CADM2: variants seen among roughly 807,000 people sequenced by gnomAD.
CADM2 encodes cell adhesion molecule 2.
CADM2 carries 12 observed loss-of-function variants against 49.8 expected under a neutral mutation model. The observed-to-expected ratio is 0.24, with a 90% CI of 0.15 to 0.39. CADM2 has a LOEUF of 0.39. Ranked by LOEUF, CADM2 falls within the 10% of genes least tolerant of loss-of-function variation. CADM2 has a pLI of 1.00. For missense variants in CADM2, 378 were observed against 492.3 expected (o/e 0.77, Z 2.20); for synonymous variants, 214 against 175.4 (o/e 1.22, Z -1.74).
chr3:85,050,337 A>G (rs2035835111), intron 1 of CADM2, among the ~76,000 whole-genome samples: 1 of 152,090 alleles, frequency 6.6e-6, no homozygotes. Flanking sequence ...CTCTGACCTA[A>G]AATAAATAGA....
intron 1 of CADM2, among the ~76,000 whole-genome samples, chr3:85,526,671 T>C (rs1161318606): frequency 1.3e-5 from 2 of 152,124 alleles, no homozygotes; most frequent in Admixed American, 1.3e-4. Flanking sequence ...AGACCAAAAA[T>C]GAAACACTGT....
At chr3:85,586,120 G>GT (rs1444201970) in intron 1 of CADM2, among the ~76,000 whole-genome samples, 1 of 151,904 alleles carries the variant, frequency 6.6e-6, no homozygotes, top group Non-Finnish European at 1.5e-5. Context: ...CATTTGTCCG[G>GT]TTTTTTACCT....
rs543873979 is a variant in CADM2, at chr3:86,039,414, G to A, written c.971-26191G>A. On this transcript the variant is annotated intron_variant, in intron 8 of 9. Transcript: ENST00000383699. ...ACTGTGCTTTTCCAATGGTCTTAGC[G>A]AACGGCACACCAGGAGATTATATCC... 1.2e-3 allele frequency among the ~76,000 whole-genome samples: 186 copies of A among 152,250 alleles called. 1 individual carries two copies. Among genetic ancestry groups the A allele is most frequent in the Middle Eastern group, 0.01 (3 of 294 alleles).
intron 1 of CADM2, among the ~76,000 whole-genome samples, chr3:85,082,395 A>C (rs906876258): frequency 6.6e-6 from 1 of 152,216 alleles, no homozygotes; most frequent in African/African-American, 2.4e-5. Flanking sequence ...TGCACAGGGC[A>C]TATTATTTTG....
At chr3:85,266,565 T>TTCATCCATATCAGTTGAAAAG (rs147778438) in intron 1 of CADM2, among the ~76,000 whole-genome samples, 71,557 of 151,224 alleles carry the variant, frequency 0.47, 17,244 homozygotes, top group Admixed American at 0.58. Context: ...ATCTCAATGA[T>TTCATCCATATCAGTTGAAAAG]AAGGTGATAA....
chr3:85,965,936 G>T (rs1725420586), intron 8 of CADM2, among the ~76,000 whole-genome samples: 3 of 151,590 alleles, frequency 2.0e-5, no homozygotes. Context: ...TACAGGACCT[G>T]GAAAGCTTTG....
rs577988060 is a variant in CADM2 at position 85,457,002 on chromosome 3, C to G, written c.62-269520C>G. The stretch of plus-strand genomic sequence containing the variant: ...TATTCCTGTAAAATTTTGAACAATT[C>G]TTATTTCTAGATACTTGACAATTAA... On this transcript the variant is annotated intron_variant, in intron 1 of 9. Transcript: ENST00000383699. Among the ~76,000 whole-genome samples the G allele has an allele frequency of 2.0e-5, 3 of 151,926 alleles. No individual in the cohort carries two copies. In the East Asian group the frequency reaches 5.8e-4, roughly 29 times the overall value.
intron 1 of CADM2, among the ~76,000 whole-genome samples, chr3:85,596,287 A>G (rs1382719901): frequency 6.6e-6 from 1 of 151,962 alleles, no homozygotes; most frequent in African/African-American, 2.4e-5. Flanking sequence ...GAAATTACTA[A>G]TATACAAAAT....
intron 2 of CADM2, among the ~76,000 whole-genome samples, chr3:85,731,596 CT>C (rs1269060945): frequency 3.9e-5 from 6 of 152,040 alleles, no homozygotes; most frequent in African/African-American, 1.4e-4. Flanking sequence ...AAAACTAAAA[CT>C]TTTCTGTAAG....
At chr3:85,208,325 G>T (rs879712568) in intron 1 of CADM2, among the ~76,000 whole-genome samples, 9 of 152,084 alleles carry the variant, frequency 5.9e-5, no homozygotes, top group Admixed American at 3.9e-4. Flanking sequence ...ACAATTGTAG[G>T]ACTATAACAA....
At chr3:85,290,792 C>A (rs1427093194) in intron 1 of CADM2, among the ~76,000 whole-genome samples, 3 of 152,186 alleles carry the variant, frequency 2.0e-5, no homozygotes, top group Non-Finnish European at 4.4e-5. Context: ...ATCTGTACAT[C>A]ACCATCATCA....
At chr3:85,512,204 T>G (rs1007916020) in intron 1 of CADM2, among the ~76,000 whole-genome samples, 9 of 152,080 alleles carry the variant, frequency 5.9e-5, no homozygotes, top group Non-Finnish European at 1.3e-4. Context: ...ATTCCCATCT[T>G]TATGTCCATT....
intron 1 of CADM2, among the ~76,000 whole-genome samples, chr3:85,093,825 G>A (rs1479208737): frequency 6.6e-6 from 1 of 152,030 alleles, no homozygotes; most frequent in Non-Finnish European, 1.5e-5. Context: ...TTTTGCTTGG[G>A]GAGGATAAGT....
intron 1 of CADM2, among the ~76,000 whole-genome samples, chr3:85,188,735 T>C (rs1381909221): frequency 2.6e-5 from 4 of 151,986 alleles, no homozygotes; most frequent in Non-Finnish European, 5.9e-5. Context: ...CTAAGTACTT[T>C]AAAAATGAAG....
chr3:85,923,716 C>T (rs892256675), intron 6 of CADM2, among the ~76,000 whole-genome samples: 3 of 152,048 alleles, frequency 2.0e-5, no homozygotes, highest in Non-Finnish European at 2.9e-5. Context: ...AACCTTCTAC[C>T]CCAGCATTGT....
At chr3:85,492,962 T>C (rs1397715140) in intron 1 of CADM2, among the ~76,000 whole-genome samples, 2 of 152,062 alleles carry the variant, frequency 1.3e-5, no homozygotes, top group African/African-American at 4.8e-5. Context: ...AATTAGGATA[T>C]ATTAAGTAAT....
intron 7 of CADM2, among the ~76,000 whole-genome samples, chr3:85,939,991 C>G (rs1721666642): frequency 7.2e-6 from 1 of 139,598 alleles, no homozygotes; most frequent in African/African-American, 2.8e-5. Flanking sequence ...ATGTATTTTT[C>G]TATTAGGATA....
intron 3 of CADM2, among the ~76,000 whole-genome samples, chr3:85,872,172 A>G (rs933934890): frequency 5.3e-5 from 8 of 152,216 alleles, no homozygotes; most frequent in Non-Finnish European, 7.3e-5. Context: ...TCAAAGATTC[A>G]TATGACAGTG....
At chr3:85,350,096 G>A (rs1306414530) in intron 1 of CADM2, among the ~76,000 whole-genome samples, 6 of 152,144 alleles carry the variant, frequency 3.9e-5, no homozygotes, top group African/African-American at 2.4e-5. Context: ...GAACACTAAC[G>A]AGGACAGAGG....
Sources: gnomAD v4.1 joint callset for allele counts (sites outside exome capture counted in the v4.1 genomes callset) on GRCh38, gnomAD v4.1.1 for gene constraint, MANE v1.5 for transcripts, NCBI Gene and HGNC (gene_info 2026-07-23, HGNC 2026-07-21) for gene names.